FGGY: variants seen among roughly 807,000 people sequenced by gnomAD.
FGGY encodes the protein FGGY carbohydrate kinase domain-containing protein.
FGGY carries 72 observed loss-of-function variants against 71.3 expected under a neutral mutation model. The observed-to-expected ratio is 1.01, with a 90% CI of 0.84 to 1.23. The LOEUF (loss-of-function observed/expected upper bound fraction) is 1.23, where lower values mean the gene tolerates loss of function less well. FGGY is among the 50% of genes most tolerant of loss of function. FGGY has a pLI of 0.00. For synonymous variants in FGGY, 251 were observed against 250.3 expected (o/e 1.00, Z -0.02); for missense variants, 668 against 682.3 (o/e 0.98, Z 0.23).
At chr1:59,329,001 T>C (rs1231602421) in intron 2 of FGGY, among the ~76,000 whole-genome samples, 1 of 152,176 alleles carries the variant, frequency 6.6e-6, no homozygotes, top group Non-Finnish European at 1.5e-5. Flanking sequence ...TATTAAGAAT[T>C]ACCAGAATGT....
chr1:59,407,344 C>A (rs754338986), intron 5 of FGGY, among the ~76,000 whole-genome samples: 1 of 152,128 alleles, frequency 6.6e-6, no homozygotes, highest in Non-Finnish European at 1.5e-5. Context: ...TAGCAAAGAT[C>A]CAACACTTTA....
At chr1:59,715,844 A>T (rs564372117) in intron 14 of FGGY, among the ~76,000 whole-genome samples, 2 of 152,316 alleles carry the variant, frequency 1.3e-5, no homozygotes, top group East Asian at 3.9e-4. Context: ...TACTCCCCAC[A>T]GGCCAAATTT....
chr1:59,462,694 C>A (rs573036634), intron 6 of FGGY, among the ~76,000 whole-genome samples: 11 of 152,052 alleles, frequency 7.2e-5, no homozygotes, highest in African/African-American at 2.7e-4. Flanking sequence ...GCAGCCAAAA[C>A]ACACATGAAA....
At chr1:59,699,388 C>A in intron 14 of FGGY, 1 of 985,266 alleles carries the variant, frequency 1.0e-6, no homozygotes. Context: ...TGTACTTTTT[C>A]TTTTTGACGG....
chr1:59,728,488 G>A (rs1165894820), intron 14 of FGGY, among the ~76,000 whole-genome samples: 3 of 151,828 alleles, frequency 2.0e-5, no homozygotes, highest in East Asian at 3.9e-4. Context: ...TTTCTTCTCT[G>A]ATGCTTTTCT....
rs746855040 is a variant in FGGY at position 59,500,596 on chromosome 1, G to A, written c.671-11715G>A. Among the ~76,000 whole-genome samples the A allele has an allele frequency of 1.4e-3, 168 of 124,412 alleles. 1 individual carries two copies. The highest frequency in any genetic ancestry group is 1.7e-4 in the Non-Finnish European group (11 of 63,796). 81.6% of individuals were successfully genotyped at this position (124,412 alleles called of 152,430 possible). A position where few individuals can be genotyped will look rare whatever the true frequency, so the allele number is the denominator to read the frequency against. ...TAAAGTTTGGGAAAGTAGGTGCATG[G>A]AATTAGAACTCAGATTATCCTGACT... On this transcript the variant is annotated intron_variant, in intron 6 of 15. Coordinates refer to ENST00000303721, the MANE Select transcript of FGGY (RefSeq NM_018291.5).
intron 7 of FGGY, among the ~76,000 whole-genome samples, chr1:59,512,856 G>A (rs116094019): frequency 2.4e-3 from 366 of 152,202 alleles, no homozygotes; most frequent in African/African-American, 8.1e-3. Context: ...TTCCTTGGCT[G>A]CAGTCTTGAT....
chr1:59,379,587 C>T (rs2059134370), intron 5 of FGGY, among the ~76,000 whole-genome samples: 1 of 152,044 alleles, frequency 6.6e-6, no homozygotes, highest in Admixed American at 6.6e-5. Context: ...TTACTGTACA[C>T]TTCTATAGAC....
intron 7 of FGGY, among the ~76,000 whole-genome samples, chr1:59,532,912 A>T (rs773416097): frequency 1.6e-4 from 24 of 152,246 alleles, no homozygotes; most frequent in Non-Finnish European, 2.4e-4. Context: ...GTAATTTAGC[A>T]AGGTTGCTAT....
At chr1:59,478,883 G>A (rs1422282682) in intron 6 of FGGY, among the ~76,000 whole-genome samples, 1 of 152,156 alleles carries the variant, frequency 6.6e-6, no homozygotes, top group Non-Finnish European at 1.5e-5. Flanking sequence ...TACAAGGGGA[G>A]GGAACAATCT....
At chr1:59,545,168 CT>C (rs1216687999) in intron 7 of FGGY, among the ~76,000 whole-genome samples, 1 of 152,182 alleles carries the variant, frequency 6.6e-6, no homozygotes, top group African/African-American at 2.4e-5. Flanking sequence ...AAGGAAACAA[CT>C]TTCATCTTTA....
intron 14 of FGGY, among the ~76,000 whole-genome samples, chr1:59,701,345 T>C (rs148366821): frequency 2.0e-5 from 3 of 152,318 alleles, no homozygotes; most frequent in African/African-American, 7.2e-5. Flanking sequence ...TTTTTTTATG[T>C]CTGCCTCTCC....
intron 14 of FGGY, chr1:59,755,063 C>A (rs534764885): frequency 6.6e-6 from 1 of 152,162 alleles, no homozygotes; most frequent in Non-Finnish European, 1.5e-5. Flanking sequence ...TGGAAGGAGG[C>A]CTGATGTGCA....
intron 7 of FGGY, among the ~76,000 whole-genome samples, chr1:59,545,484 C>T (rs2095506707): frequency 6.6e-6 from 1 of 152,126 alleles, no homozygotes; most frequent in Non-Finnish European, 1.5e-5. Flanking sequence ...TTTCTGAAGT[C>T]ATAGATGATA....
chr1:59,338,824 C>T lies in FGGY; in HGVS notation c.202-1134C>T, dbSNP rs74085961. Among the ~76,000 whole-genome samples the T allele has an allele frequency of 2.8e-3, 419 of 152,190 alleles. 1 individual carries two copies. The highest frequency in any genetic ancestry group is 9.7e-3 in the African/African-American group (404 of 41,536). ...TTTACTTACTTTTGCTAATAAGATA[C>T]GTGCATTTTTAATTTTAATAAATGT... On this transcript the variant is annotated intron_variant, in intron 2 of 15. Transcript: ENST00000303721.
intron 14 of FGGY, among the ~76,000 whole-genome samples, chr1:59,723,434 A>C (rs1371538296): frequency 6.6e-6 from 1 of 152,156 alleles, no homozygotes; most frequent in Non-Finnish European, 1.5e-5. Context: ...CCATTTACTT[A>C]ATTATTCAAT....
chr1:59,479,753 A>T (rs2093403289), intron 6 of FGGY, among the ~76,000 whole-genome samples: 1 of 152,190 alleles, frequency 6.6e-6, no homozygotes, highest in African/African-American at 2.4e-5. Context: ...ATCTTGGAGG[A>T]TTATCAAACG....
intron 3 of FGGY, among the ~76,000 whole-genome samples, chr1:59,341,881 T>G (rs924649767): frequency 1.3e-5 from 2 of 152,190 alleles, no homozygotes; most frequent in African/African-American, 2.4e-5. Context: ...TGTCTCTTAC[T>G]GTTGATAGTG....
chr1:59,472,360 G>A (rs1166103128), intron 6 of FGGY, among the ~76,000 whole-genome samples: 1 of 152,226 alleles, frequency 6.6e-6, no homozygotes, highest in East Asian at 1.9e-4. Flanking sequence ...CCATGCCTGA[G>A]CCTCCCCCTG....
Sources: allele counts gnomAD v4.1 joint callset (sites outside exome capture counted in the v4.1 genomes callset), GRCh38; gene constraint gnomAD v4.1.1; transcripts MANE v1.5; gene names NCBI Gene and HGNC (gene_info 2026-07-23, HGNC 2026-07-21).